The following PRKG1 variants were observed in gnomAD, a reference collection of about 807,000 sequenced individuals.
The protein encoded by PRKG1 is protein kinase cGMP-dependent 1, also known as cGMP-dependent protein kinase 1.
A neutral mutation model predicts 88.1 loss-of-function variants in PRKG1; 35 were observed. The ratio of observed to expected loss-of-function variants is 0.40; its 90% CI spans 0.30 to 0.53. The LOEUF is 0.53. PRKG1 is among the 20% of genes least tolerant of loss of function. The pLI, the probability that PRKG1 is intolerant of heterozygous loss-of-function variation, is 0.59. For missense variants in PRKG1, 540 were observed against 839.8 expected, an observed-to-expected ratio of 0.64 and a Z score of 4.41; for synonymous variants, 303 against 292.5, an observed-to-expected ratio of 1.04 and a Z score of -0.37.
intron 3 of PRKG1, among the ~76,000 whole-genome samples, chr10:51,747,564 T>C (rs1837612793): frequency 6.6e-6 from 1 of 151,950 alleles, no homozygotes; most frequent in Admixed American, 6.6e-5. Context: ...GGCCTATTAA[T>C]GGCAGTTGGC....
At chr10:51,189,666 G>A (rs1837582556) in intron 2 of PRKG1, among the ~76,000 whole-genome samples, 1 of 151,702 alleles carries the variant, frequency 6.6e-6, no homozygotes, top group African/African-American at 2.4e-5. Context: ...CCCCATTTGA[G>A]GACATAGCCT....
intron 1 of PRKG1, among the ~76,000 whole-genome samples, chr10:51,015,700 A>G (rs57124292): frequency 0.18 from 27,490 of 152,222 alleles, 3,077 homozygotes; most frequent in South Asian, 0.3. Context: ...AAGCCTGGCC[A>G]ACATGGTGAA....
Position 51,628,010 on chromosome 10 carries a change from CTTTCTTTCTTTCTT to C in PRKG1, c.592+160176_592+160189del, listed in dbSNP as rs1413147240. 3.6e-3 allele frequency among the ~76,000 whole-genome samples: 283 copies of C among 78,320 alleles called. 5 individuals carry two copies. Among genetic ancestry groups the C allele is most frequent in the South Asian group, 0.024 (47 of 1,932 alleles). 51.4% of individuals were successfully genotyped at this position (78,320 alleles called of 152,430 possible). On this transcript the variant is annotated intron_variant, in intron 3 of 17. Coordinates refer to ENST00000373980, the MANE Select transcript of PRKG1 (RefSeq NM_006258.4). ...TTTCTTTCTCTCTCTCTCTCTCTCT[CTTTCTTTCTTTCTT>C]TCTTTCTTTCTTTCCTTCCTTCTTT...
chr10:52,105,787 C>T (rs1372816459), intron 7 of PRKG1, among the ~76,000 whole-genome samples: 2 of 151,994 alleles, frequency 1.3e-5, no homozygotes, highest in African/African-American at 4.8e-5. Flanking sequence ...ACTCTCTACC[C>T]TCTGAAATTT....
intron 4 of PRKG1, among the ~76,000 whole-genome samples, chr10:51,866,242 A>C (rs1331715722): frequency 6.6e-5 from 10 of 152,084 alleles, no homozygotes; most frequent in Non-Finnish European, 1.5e-4. Context: ...CTGAGATATA[A>C]TTTACGTAAT....
chr10:51,592,936 T>G (rs1470594439), intron 3 of PRKG1, among the ~76,000 whole-genome samples: 1 of 152,208 alleles, frequency 6.6e-6, no homozygotes, highest in African/African-American at 2.4e-5. Context: ...CAGTTCTTTT[T>G]GTTCTAAACT....
chr10:52,149,974 C>A (rs1031010968), intron 8 of PRKG1, among the ~76,000 whole-genome samples: 4 of 151,732 alleles, frequency 2.6e-5, no homozygotes, highest in Non-Finnish European at 5.9e-5. Context: ...ATGGTGAAAC[C>A]TTGTCTGTAC....
chr10:51,151,600 T>C (rs1846074307), intron 1 of PRKG1, among the ~76,000 whole-genome samples: 1 of 151,566 alleles, frequency 6.6e-6, no homozygotes, highest in African/African-American at 2.4e-5. Context: ...AGTAGGCACA[T>C]ACATTCTTAC....
intron 8 of PRKG1, among the ~76,000 whole-genome samples, chr10:52,149,489 A>T (rs1837840914): frequency 6.6e-6 from 1 of 152,044 alleles, no homozygotes; most frequent in South Asian, 2.1e-4. Context: ...TATAATAATT[A>T]AGGTTAAATG....
intron 1 of PRKG1, among the ~76,000 whole-genome samples, chr10:51,124,957 A>G (rs1185560276): frequency 6.6e-6 from 1 of 152,086 alleles, no homozygotes; most frequent in Non-Finnish European, 1.5e-5. Flanking sequence ...TGCTTTATGT[A>G]TTTTACCTTG....
intron 3 of PRKG1, among the ~76,000 whole-genome samples, chr10:51,538,306 G>A (rs954661232): frequency 4.2e-5 from 4 of 94,424 alleles, no homozygotes; most frequent in Non-Finnish European, 4.8e-5. Flanking sequence ...AATGCAATTC[G>A]CTGAAAATTA....
At chr10:51,256,189 C>T (rs554198461) in intron 2 of PRKG1, among the ~76,000 whole-genome samples, 164 of 152,246 alleles carry the variant, frequency 1.1e-3, no homozygotes, top group Admixed American at 2.4e-3. Flanking sequence ...TTCCCAAGAG[C>T]CCCCACAGAC....
rs140304874 is a variant in PRKG1 at position 52,117,149 on chromosome 10, A to G, written c.936-16691A>G. ...GGTATTATTATATGCATGCATGGAT[A>G]TCTATGTGAAATATCTGTGTGTGTG... is the stretch of plus-strand genomic sequence containing the variant. On this transcript the variant is annotated intron_variant, in intron 7 of 17. Transcript: ENST00000373980. 6.4e-3 allele frequency among the ~76,000 whole-genome samples: 894 copies of G among 139,960 alleles called. 13 individuals are homozygous for G. The highest frequency in any genetic ancestry group is 0.022 in the African/African-American group (834 of 37,488). The allele number at this position is 139,960 out of a possible 152,430, so 91.8% of individuals were successfully genotyped here.
intron 3 of PRKG1, among the ~76,000 whole-genome samples, chr10:51,741,620 T>C (rs1445744474): frequency 6.6e-6 from 1 of 152,116 alleles, no homozygotes; most frequent in Non-Finnish European, 1.5e-5. Flanking sequence ...TGATGCAAGG[T>C]AATATATAAT....
At chr10:52,051,072 G>A (rs1215826527) in intron 5 of PRKG1, among the ~76,000 whole-genome samples, 3 of 152,032 alleles carry the variant, frequency 2.0e-5, no homozygotes, top group Non-Finnish European at 2.9e-5. Context: ...AAGAACGAAT[G>A]GCCTCAAAAT....
At chr10:51,717,615 AGG>A (rs1841917086) in intron 3 of PRKG1, among the ~76,000 whole-genome samples, 1 of 152,072 alleles carries the variant, frequency 6.6e-6, no homozygotes, top group African/African-American at 2.4e-5. Flanking sequence ...GCAGATCACA[AGG>A]TCAGGAGATT....
chr10:51,948,255 T>C (rs1843100944), intron 5 of PRKG1, among the ~76,000 whole-genome samples: 1 of 152,160 alleles, frequency 6.6e-6, no homozygotes. Flanking sequence ...CTTCTTAGAT[T>C]TGACTTTGAA....
intron 7 of PRKG1, among the ~76,000 whole-genome samples, chr10:52,105,964 C>G (rs766144637): frequency 2.6e-5 from 4 of 151,384 alleles, no homozygotes; most frequent in Non-Finnish European, 5.9e-5. Flanking sequence ...TTTATCCCCC[C>G]ACTCCCCTCC....
intron 7 of PRKG1, among the ~76,000 whole-genome samples, chr10:52,067,555 T>C (rs1264919820): frequency 6.6e-6 from 1 of 152,218 alleles, no homozygotes; most frequent in South Asian, 2.1e-4. Context: ...ACAAGCTTTA[T>C]TTTCTTGTTG....
Sources: allele counts gnomAD v4.1 joint callset (sites outside exome capture counted in the v4.1 genomes callset), GRCh38; gene constraint gnomAD v4.1.1; transcripts MANE v1.5; gene names NCBI Gene and HGNC (gene_info 2026-07-23, HGNC 2026-07-21).